TRPC7: variants seen among roughly 807,000 people sequenced by gnomAD.
TRPC7 encodes the protein transient receptor potential cation channel subfamily C member 7.
TRPC7 carries 42 observed loss-of-function variants against 90.1 expected under a neutral mutation model. That is an observed-to-expected ratio of 0.47 (90% CI 0.36 to 0.60). The LOEUF (loss-of-function observed/expected upper bound fraction) is 0.60. TRPC7 is among the 20% of genes least tolerant of loss of function. The pLI, the probability that TRPC7 is intolerant of heterozygous loss-of-function variation, is 0.00. For missense variants in TRPC7, 955 were observed against 1,112.3 expected, an observed-to-expected ratio of 0.86 and a Z score of 2.01; for synonymous variants, 451 against 436.3, an observed-to-expected ratio of 1.03 and a Z score of -0.42.
intron 5 of TRPC7, among the ~76,000 whole-genome samples, chr5:136,259,569 A>G (rs2149809405): frequency 6.6e-6 from 1 of 152,356 alleles, no homozygotes; most frequent in Admixed American, 6.5e-5. Flanking sequence ...GCTTTCTGGG[A>G]ACTACTAGCA....
chr5:136,364,717 T>C lies in TRPC7; in HGVS notation c.2+536A>G, dbSNP rs188615624. Among the ~76,000 whole-genome samples, 7 of 152,324 alleles carry C rather than the reference T, an allele frequency of 4.6e-5. No individual in the cohort carries two copies. The East Asian group carries it at 5.8e-4, about 13-fold the overall frequency. On this transcript the variant is annotated intron_variant, in intron 1 of 11. Transcript: ENST00000513104. Reference sequence around the variant, plus strand: ...CTCTGCCTAGATTACACCTCTTTCATTAGGAGCATATTTGTTATTTTGAAA... The same window carrying C: ...CTCTGCCTAGATTACACCTCTTTCACTAGGAGCATATTTGTTATTTTGAAA...
chr5:136,342,465 A>C (rs1254937734), intron 2 of TRPC7, among the ~76,000 whole-genome samples: 1 of 152,144 alleles, frequency 6.6e-6, no homozygotes, highest in Non-Finnish European at 1.5e-5. Flanking sequence ...TTTTGGAAAG[A>C]ATGGCTGAAG....
chr5:136,281,960 TATGGCTCTAA>T (rs1415093357), intron 3 of TRPC7, among the ~76,000 whole-genome samples: 28 of 152,344 alleles, frequency 1.8e-4, no homozygotes, highest in Non-Finnish European at 3.2e-4. Context: ...ATCCACTTTC[TATGGCTCTAA>T]AGTAGAGAAA....
chr5:136,310,560 G>C (rs1248843898), intron 3 of TRPC7, among the ~76,000 whole-genome samples: 1 of 151,784 alleles, frequency 6.6e-6, no homozygotes, highest in Non-Finnish European at 1.5e-5. Flanking sequence ...GAGGAGTGGA[G>C]CTGGCTCTTG....
At chr5:136,228,600 A>G (rs562597125) in intron 8 of TRPC7, among the ~76,000 whole-genome samples, 1 of 137,838 alleles carries the variant, frequency 7.3e-6, no homozygotes, top group African/African-American at 2.8e-5. Context: ...CTGCTGGAGA[A>G]GGCTGTGCTG....
intron 4 of TRPC7, among the ~76,000 whole-genome samples, chr5:136,269,615 T>C (rs1456626546): frequency 6.6e-6 from 1 of 152,186 alleles, no homozygotes; most frequent in African/African-American, 2.4e-5. Context: ...CTGGGTGCCA[T>C]GGTCTTAAGC....
At chr5:136,327,719 G>A (rs1425569984) in intron 2 of TRPC7, among the ~76,000 whole-genome samples, 1 of 152,144 alleles carries the variant, frequency 6.6e-6, no homozygotes, top group Non-Finnish European at 1.5e-5. Context: ...ATGTTGAGAG[G>A]ATTCAACGCG....
At chr5:136,348,228 C>G (rs2149856395) in intron 2 of TRPC7, among the ~76,000 whole-genome samples, 1 of 152,358 alleles carries the variant, frequency 6.6e-6, no homozygotes, top group South Asian at 2.1e-4. Context: ...CCACTAATGG[C>G]AAAGCCATGG....
chr5:136,283,840 T>C (rs1208510791), intron 3 of TRPC7, among the ~76,000 whole-genome samples: 1 of 152,222 alleles, frequency 6.6e-6, no homozygotes, highest in South Asian at 2.1e-4. Context: ...CTTTTTCATG[T>C]GATTCTGGGC....
chr5:136,268,931 A>G (rs1333275653), intron 4 of TRPC7, among the ~76,000 whole-genome samples: 2 of 152,192 alleles, frequency 1.3e-5, no homozygotes, highest in Non-Finnish European at 2.9e-5. Flanking sequence ...TATTTGTAAA[A>G]TTCCCTATTT....
At chr5:136,224,905 C>T (rs1430925618) in intron 10 of TRPC7, among the ~76,000 whole-genome samples, 1 of 152,178 alleles carries the variant, frequency 6.6e-6, no homozygotes, top group African/African-American at 2.4e-5. Context: ...ACTGTTCTCT[C>T]CTTGAAGATG....
chr5:136,266,207 G>A lies in TRPC7; in HGVS notation c.1345+13C>T. 6.2e-7 allele frequency: 1 copy of A among 1,604,556 alleles called. No individual in the cohort carries two copies. On this transcript the variant is annotated intron_variant, in intron 5 of 11. Transcript: ENST00000513104. ...TTAGCAAGGAGAGAATAAAAATAGA[G>A]TGACTTGCTTACCTAAGACCCACTT...
chr5:136,272,974 C>T (rs1441579272), intron 4 of TRPC7, among the ~76,000 whole-genome samples: 1 of 152,200 alleles, frequency 6.6e-6, no homozygotes, highest in East Asian at 1.9e-4. Flanking sequence ...ATTTAGTCAG[C>T]AACTACTCTT....
intron 10 of TRPC7, among the ~76,000 whole-genome samples, chr5:136,218,078 TATATA>T (rs1441692659): frequency 4.1e-5 from 6 of 145,092 alleles, no homozygotes; most frequent in African/African-American, 7.5e-5. Context: ...ATATTTAAGA[TATATA>T]ATATATGAGA....
At position 136,213,348 on chromosome 5, in the gene TRPC7, G is replaced by A; in HGVS notation, c.*87C>T. On this transcript the variant is annotated 3_prime_UTR_variant, in exon 12 of 12. Transcript: ENST00000513104. ...CTTCGTGTCCTAGAGGAGTGGGCTG[G>A]GGACCCCTCCCCACCAAGGATGGGG... 1 of 1,433,676 alleles carries A rather than the reference G, an allele frequency of 7.0e-7. No homozygotes were observed. Among genetic ancestry groups the A allele is most frequent in the Non-Finnish European group, 9.5e-7 (1 of 1,049,586 alleles). 88.8% of individuals were successfully genotyped at this position (1,433,676 alleles called of 1,614,324 possible). A position where few individuals can be genotyped will look rare whatever the true frequency, so the allele number is the denominator to read the frequency against.
chr5:136,229,781 G>C (rs1482129251), intron 8 of TRPC7, among the ~76,000 whole-genome samples: 2 of 152,202 alleles, frequency 1.3e-5, no homozygotes, highest in East Asian at 3.8e-4. Flanking sequence ...TATATAAGAA[G>C]TATATAAACA....
intron 3 of TRPC7, among the ~76,000 whole-genome samples, chr5:136,278,331 C>T (rs1158029781): frequency 2.0e-5 from 3 of 152,200 alleles, no homozygotes; most frequent in Non-Finnish European, 4.4e-5. Context: ...GGCCAGAGTT[C>T]TCTGCTTTCA....
At chr5:136,282,643 A>G (rs1757583032) in intron 3 of TRPC7, among the ~76,000 whole-genome samples, 1 of 152,258 alleles carries the variant, frequency 6.6e-6, no homozygotes, top group Admixed American at 6.5e-5. Context: ...TCTTAAAGTT[A>G]TAAATATTCT....
chr5:136,344,017 G>C (rs1160440988), intron 2 of TRPC7, among the ~76,000 whole-genome samples: 1 of 152,112 alleles, frequency 6.6e-6, no homozygotes. Context: ...AGCAAAGACA[G>C]AGAATCAACC....
Sources: gnomAD v4.1 joint callset for allele counts (sites outside exome capture counted in the v4.1 genomes callset) on GRCh38, gnomAD v4.1.1 for gene constraint, MANE v1.5 for transcripts, NCBI Gene and HGNC (gene_info 2026-07-23, HGNC 2026-07-21) for gene names.